The following TJP2 variants were observed in gnomAD, a reference collection of about 807,000 sequenced individuals.
TJP2 encodes Friedreich ataxia region gene X104 (tight junction protein ZO-2).
TJP2 carries 91 observed loss-of-function variants against 133.1 expected under a neutral mutation model. That is an observed-to-expected ratio of 0.68 (90% confidence interval 0.58 to 0.81). TJP2 has a LOEUF of 0.81. Ranked by LOEUF, TJP2 falls within the 40% of genes least tolerant of loss-of-function variation. The probability of loss-of-function intolerance (pLI) is 0.00; values close to 1 mark genes in which losing one functional copy is unlikely to be tolerated. For missense variants in TJP2, 1,541 were observed against 1,565.6 expected (o/e 0.98, Z 0.26); for synonymous variants, 592 against 583.4 (o/e 1.01, Z -0.21).
At chr9:69,195,219 T>C (rs1826467583) in intron 1 of TJP2, among the ~76,000 whole-genome samples, 1 of 152,234 alleles carries the variant, frequency 6.6e-6, no homozygotes, top group Non-Finnish European at 1.5e-5. Flanking sequence ...AAAGTGAAGC[T>C]ATGTTTTAGT....
chr9:69,160,259 CAAAAACAAAAACA>C (rs1312363316), intron 2 of TJP2, among the ~76,000 whole-genome samples: 4 of 151,988 alleles, frequency 2.6e-5, no homozygotes, highest in African/African-American at 7.3e-5. Context: ...CAGCAAAAAA[CAAAAACAAAAACA>C]AAAAACAGAA....
rs79422901 is a variant in TJP2, at chr9:69,216,035, G to A, written c.115-304G>A. Among the ~76,000 whole-genome samples the A allele has an allele frequency of 5.1e-3, 782 of 152,298 alleles. 3 individuals are homozygous for A. The highest frequency in any genetic ancestry group is 0.017 in the African/African-American group (722 of 41,560). ...GTACAACTGGTGCTTCAAACAGTAC[G>A]TCCCTATTTGGACTGAAGACATTGT... On this transcript the variant is annotated intron_variant, in intron 2 of 22. Transcript: ENST00000377245.
At position 69,133,546 on chromosome 9, in the gene TJP2, C is replaced by CTTTTTTTTTTTT. The variant is rs10577570; in HGVS notation, c.-131+11833_-131+11844dup. 1.8e-4 allele frequency among the ~76,000 whole-genome samples: 19 copies of CTTTTTTTTTTTT among 104,782 alleles called. 1 individual carries two copies. The highest frequency in any genetic ancestry group is 6.6e-4 in the African/African-American group (17 of 25,672). The allele number at this position is 104,782 out of a possible 152,430, so 68.7% of individuals were successfully genotyped here. On this transcript the variant is annotated intron_variant, in intron 1 of 5. Coordinates refer to the TJP2 transcript ENST00000423935. Reference sequence around the variant, plus strand: ...ATGCTTTCCTGTTTCATTTTTCTGGCTTTTTTTTTTTTTTTTTTTTTTTGA... The same window carrying CTTTTTTTTTTTT: ...ATGCTTTCCTGTTTCATTTTTCTGGCTTTTTTTTTTTTTTTTTTTTTTTTTTTTTTTTTTTGA...
intron 1 of TJP2, among the ~76,000 whole-genome samples, chr9:69,200,572 T>C (rs769907253): frequency 6.6e-6 from 1 of 152,150 alleles, no homozygotes; most frequent in African/African-American, 2.4e-5. Flanking sequence ...CATTTTTCTT[T>C]TTGTAGAGAT....
intron 1 of TJP2, among the ~76,000 whole-genome samples, chr9:69,144,869 G>C (rs879764124): frequency 1.3e-5 from 2 of 152,212 alleles, no homozygotes; most frequent in Admixed American, 1.3e-4. Flanking sequence ...AGGGAAGACT[G>C]GTTGACCCAG....
At chr9:69,182,200 T>C (rs1825562602) in intron 1 of TJP2, among the ~76,000 whole-genome samples, 1 of 152,252 alleles carries the variant, frequency 6.6e-6, no homozygotes, top group Non-Finnish European at 1.5e-5. Context: ...GTTGGAGTTT[T>C]TCAACGTCAC....
chr9:69,194,009 A>G (rs904020087), intron 1 of TJP2, among the ~76,000 whole-genome samples: 2 of 152,188 alleles, frequency 1.3e-5, no homozygotes, highest in Admixed American at 1.3e-4. Context: ...TTGAAACCAT[A>G]AATTGTAAGA....
intron 17 of TJP2, among the ~76,000 whole-genome samples, chr9:69,240,717 C>A (rs577670154): frequency 6.6e-6 from 1 of 151,786 alleles, no homozygotes; most frequent in African/African-American, 2.4e-5. Flanking sequence ...GTTGGAGGAT[C>A]GCTTGAGCCA....
chr9:69,174,474 G>GAGCGTA (rs2132936847), intron 1 of TJP2, 42 bp downstream of exon 1: 1 of 1,532,726 alleles, frequency 6.5e-7, no homozygotes, highest in Non-Finnish European at 8.8e-7. Context: ...GGAGGGTCGT[G>GAGCGTA]AGCGTGAGCG....
At chr9:69,252,234 A>G (rs952526005) in intron 21 of TJP2, among the ~76,000 whole-genome samples, 8 of 152,068 alleles carry the variant, frequency 5.3e-5, no homozygotes, top group African/African-American at 1.7e-4. Context: ...GGCTCAAGCA[A>G]TGCACCCTCC....
At chr9:69,201,855 A>G (rs10870012) in intron 1 of TJP2, among the ~76,000 whole-genome samples, 57,671 of 152,006 alleles carry the variant, frequency 0.38, 11,208 homozygotes, top group South Asian at 0.44. Context: ...AAGTAAGCCA[A>G]TCACAGGAAG....
upstream of TJP2, among the ~76,000 whole-genome samples, chr9:69,169,373 G>GC (rs1231958862): frequency 4.0e-5 from 6 of 149,536 alleles, no homozygotes; most frequent in African/African-American, 1.2e-4. Flanking sequence ...TTTTTTTGGG[G>GC]GGGGGATGGA....
At chr9:69,222,533 C>A (rs142344501) in intron 5 of TJP2, among the ~76,000 whole-genome samples, 5 of 152,284 alleles carry the variant, frequency 3.3e-5, no homozygotes, top group East Asian at 1.9e-4. Context: ...AACACCAATT[C>A]GTTCGTTTAA....
intron 2 of TJP2, among the ~76,000 whole-genome samples, chr9:69,215,374 C>A (rs1376932358): frequency 3.4e-5 from 5 of 147,496 alleles, no homozygotes; most frequent in African/African-American, 1.2e-4. Flanking sequence ...TTTTCCCGCC[C>A]AGCTAGAAAG....
At chr9:69,203,465 A>AT (rs1827151076) in intron 1 of TJP2, among the ~76,000 whole-genome samples, 1 of 151,220 alleles carries the variant, frequency 6.6e-6, no homozygotes, top group African/African-American at 2.4e-5. Flanking sequence ...ACATGCCCGG[A>AT]TTTTTTGTGT....
At chr9:69,134,315 G>A (rs976420972) in intron 1 of TJP2, among the ~76,000 whole-genome samples, 2 of 152,214 alleles carry the variant, frequency 1.3e-5, no homozygotes, top group African/African-American at 4.8e-5. Flanking sequence ...GGCAGATGGT[G>A]CACAGGTAAA....
At position 69,236,010 on chromosome 9, in the gene TJP2, G is replaced by A. The variant is rs957760512; in HGVS notation, c.1781-18G>A. 3 of 1,612,868 alleles carry A rather than the reference G, an allele frequency of 1.9e-6. No homozygotes were observed. Among genetic ancestry groups the A allele is most frequent in the Non-Finnish European group, 2.5e-6 (3 of 1,179,020 alleles). On this transcript the variant is annotated intron_variant, in intron 12 of 22. Coordinates refer to ENST00000377245, the MANE Select transcript of TJP2 (RefSeq NM_004817.4). ...TTGTACTAAGCTGAATGCAACAAAC[G>A]ATGCTTTTGTCTTTCAGTGTATAGA...
intron 1 of TJP2, among the ~76,000 whole-genome samples, chr9:69,192,122 C>G (rs1018738000): frequency 6.6e-6 from 1 of 151,984 alleles, no homozygotes; most frequent in Admixed American, 6.6e-5. Context: ...AGAAACACCC[C>G]TCATTTGAGT....
intron 10 of TJP2, among the ~76,000 whole-genome samples, chr9:69,229,524 G>A (rs1829609192): frequency 6.6e-6 from 1 of 152,216 alleles, no homozygotes; most frequent in African/African-American, 2.4e-5. Context: ...ATTTGCGTTT[G>A]TCAGATAAAT....
Sources: allele counts gnomAD v4.1 joint callset (sites outside exome capture counted in the v4.1 genomes callset), GRCh38; gene constraint gnomAD v4.1.1; transcripts MANE v1.5; gene names NCBI Gene and HGNC (gene_info 2026-07-23, HGNC 2026-07-21).